ANKFN1: variants seen among roughly 807,000 people sequenced by gnomAD.
The protein encoded by ANKFN1 is ankyrin repeat and fibronectin type-III domain-containing protein 1.
A neutral mutation model predicts 108.7 loss-of-function variants in ANKFN1; 74 were observed. That is an observed-to-expected ratio of 0.68 (90% CI 0.56 to 0.83). The LOEUF is 0.83. ANKFN1 is among the 40% of genes least tolerant of loss of function. ANKFN1 has a pLI of 0.00. For synonymous variants in ANKFN1, 547 were observed against 516.2 expected, an observed-to-expected ratio of 1.06 and a Z score of -0.81; for missense variants, 1,505 against 1,382.3, an observed-to-expected ratio of 1.09 and a Z score of -1.41.
intron 18 of ANKFN1, among the ~76,000 whole-genome samples, chr17:56,491,728 G>C (rs1446622808): frequency 6.6e-6 from 1 of 152,166 alleles, no homozygotes; most frequent in African/African-American, 2.4e-5. Flanking sequence ...CATGTCTTCT[G>C]TCTTCTGGGG....
At chr17:56,473,647 C>CAAAAAAAAAAAAAAAAAAAAAAAAAAA (rs956559502) in intron 15 of ANKFN1, 1 of 47,824 alleles carries the variant, frequency 2.1e-5, no homozygotes, top group African/African-American at 6.7e-5. Context: ...GACTCCGTCT[C>CAAAAAAAAAAAAAAAAAAAAAAAAAAA]AAAAAAAAAA....
At chr17:56,284,335 T>G (rs1207937051) in intron 3 of ANKFN1, among the ~76,000 whole-genome samples, 1 of 152,204 alleles carries the variant, frequency 6.6e-6, no homozygotes, top group Admixed American at 6.5e-5. Context: ...AGCATAAAAT[T>G]TCCAATTGTA....
chr17:56,272,162 A>C (rs1163434408), intron 3 of ANKFN1, among the ~76,000 whole-genome samples: 2 of 152,226 alleles, frequency 1.3e-5, no homozygotes, highest in Non-Finnish European at 2.9e-5. Context: ...TACCTTTAGA[A>C]AGTACTATCT....
intron 4 of ANKFN1, among the ~76,000 whole-genome samples, chr17:56,105,396 T>C (rs895779831): frequency 2.0e-5 from 3 of 152,106 alleles, no homozygotes; most frequent in African/African-American, 7.2e-5. Context: ...CCGAGGCACG[T>C]GTGAAATACT....
intron 4 of ANKFN1, among the ~76,000 whole-genome samples, chr17:56,134,186 G>A (rs1056813971): frequency 6.6e-6 from 1 of 152,124 alleles, no homozygotes; most frequent in African/African-American, 2.4e-5. Flanking sequence ...GCAGGTGGGA[G>A]AGATATGTAG....
chr17:56,081,507 C>T lies in ANKFN1; in HGVS notation c.288+35182C>T, dbSNP rs7219117. Among the ~76,000 whole-genome samples the T allele has an allele frequency of 2.7e-3, 404 of 152,182 alleles. 2 individuals are homozygous for T. The highest frequency in any genetic ancestry group is 8.9e-3 in the African/African-American group (368 of 41,520). On this transcript the variant is annotated intron_variant, in intron 4 of 12. Coordinates refer to the ANKFN1 transcript ENST00000635860. ...GGCTGGGACTACAGGCACCCGCCACCACGCCCAGGTAATTTTTGTATTTTC... is the reference window on the plus strand; with the variant it reads ...GGCTGGGACTACAGGCACCCGCCACTACGCCCAGGTAATTTTTGTATTTTC...
chr17:56,345,506 C>G (rs1473772230), intron 4 of ANKFN1, among the ~76,000 whole-genome samples: 1 of 152,170 alleles, frequency 6.6e-6, no homozygotes, highest in East Asian at 1.9e-4. Flanking sequence ...TACACTCCCA[C>G]CAACAGTGTA....
At chr17:56,290,241 CA>C (rs1178869667) in intron 3 of ANKFN1, among the ~76,000 whole-genome samples, 1 of 152,166 alleles carries the variant, frequency 6.6e-6, no homozygotes, top group African/African-American at 2.4e-5. Context: ...GGATTTCAGG[CA>C]GGACCAAGAA....
chr17:56,296,559 C>G (rs1196410190), intron 3 of ANKFN1, among the ~76,000 whole-genome samples: 1 of 152,186 alleles, frequency 6.6e-6, no homozygotes, highest in East Asian at 1.9e-4. Context: ...TGGCGCATGC[C>G]TGTAGTCCCA....
intron 11 of ANKFN1, among the ~76,000 whole-genome samples, chr17:56,452,545 T>C (rs754902602): frequency 9.9e-5 from 15 of 152,128 alleles, no homozygotes; most frequent in Non-Finnish European, 2.2e-4. Context: ...CTAGCAACCA[T>C]AGGAGAGGGA....
chr17:56,154,848 G>A (rs1908951881), intron 1 of ANKFN1, among the ~76,000 whole-genome samples: 1 of 152,148 alleles, frequency 6.6e-6, no homozygotes, highest in South Asian at 2.1e-4. Context: ...TCCATGAAGT[G>A]TAGAGCTAGG....
intron 3 of ANKFN1, among the ~76,000 whole-genome samples, chr17:56,296,547 G>A (rs940775051): frequency 1.3e-5 from 2 of 152,156 alleles, no homozygotes; most frequent in African/African-American, 4.8e-5. Flanking sequence ...AGCCACATGT[G>A]GTGGCGCATG....
chr17:56,354,945 A>G (rs1354739037), intron 6 of ANKFN1, among the ~76,000 whole-genome samples: 1 of 152,198 alleles, frequency 6.6e-6, no homozygotes, highest in Non-Finnish European at 1.5e-5. Context: ...TTGGATATAT[A>G]CCCAGTAGTG....
At chr17:56,488,108 T>C (rs1412617117) in intron 18 of ANKFN1, among the ~76,000 whole-genome samples, 1 of 152,208 alleles carries the variant, frequency 6.6e-6, no homozygotes, top group Non-Finnish European at 1.5e-5. Context: ...TGATGTGGTC[T>C]TATTAGATTT....
intron 1 of ANKFN1, among the ~76,000 whole-genome samples, chr17:56,189,912 T>C (rs1467297947): frequency 6.6e-6 from 1 of 151,796 alleles, no homozygotes; most frequent in Non-Finnish European, 1.5e-5. Flanking sequence ...AGTCAACTGA[T>C]CTTTGACCAA....
At chr17:56,085,368 A>G (rs891630414) in intron 4 of ANKFN1, among the ~76,000 whole-genome samples, 8 of 150,738 alleles carry the variant, frequency 5.3e-5, no homozygotes, top group African/African-American at 1.7e-4. Flanking sequence ...AGAACAACAT[A>G]GGAATAGGCC....
intron 4 of ANKFN1, among the ~76,000 whole-genome samples, chr17:56,104,195 T>C (rs1304597547): frequency 6.6e-6 from 1 of 152,232 alleles, no homozygotes; most frequent in Non-Finnish European, 1.5e-5. Context: ...CGTTTTAATA[T>C]GTAGATTGTA....
At chr17:56,372,266 G>A (rs570174098) in intron 6 of ANKFN1, among the ~76,000 whole-genome samples, 4 of 152,236 alleles carry the variant, frequency 2.6e-5, no homozygotes, top group African/African-American at 7.2e-5. Context: ...CTGGCCATAC[G>A]GAGTTTTGCC....
At chr17:56,366,259 C>G (rs893173515) in intron 6 of ANKFN1, among the ~76,000 whole-genome samples, 1 of 151,982 alleles carries the variant, frequency 6.6e-6, no homozygotes, top group Non-Finnish European at 1.5e-5. Context: ...GCTGTTATTA[C>G]AAAAGACCCA....
Sources: gnomAD v4.1 joint callset for allele counts (sites outside exome capture counted in the v4.1 genomes callset) on GRCh38, gnomAD v4.1.1 for gene constraint, MANE v1.5 for transcripts, NCBI Gene and HGNC (gene_info 2026-07-23, HGNC 2026-07-21) for gene names.